Variants in SCAF8 observed in about 807,000 individuals in gnomAD.
The protein encoded by SCAF8 is SR-related and CTD-associated factor 8.
In SCAF8, 23 loss-of-function variants were observed where a neutral mutation model predicts 140.5. The observed-to-expected ratio is 0.16, with a 90% CI of 0.12 to 0.23. SCAF8 has a LOEUF of 0.23. Among genes scored for constraint, SCAF8 ranks in the 10% least tolerant of loss-of-function variants. SCAF8 has a pLI of 1.00. For synonymous variants in SCAF8, 575 were observed against 528.9 expected (o/e 1.09, Z -1.20); for missense variants, 1,397 against 1,555.7 (o/e 0.90, Z 1.72).
At chr6:154,770,960 G>T (rs367626926) in intron 1 of SCAF8, among the ~76,000 whole-genome samples, 2 of 152,102 alleles carry the variant, frequency 1.3e-5, no homozygotes, top group Non-Finnish European at 2.9e-5. Flanking sequence ...GGTCAGGCTG[G>T]TCTCACACTC....
At chr6:154,820,396 T>G in intron 15 of SCAF8, 63 bp downstream of exon 15, 2 of 1,399,030 alleles carry the variant, frequency 1.4e-6, no homozygotes, top group South Asian at 2.6e-5. Flanking sequence ...GTAGCTGAAG[T>G]GAATTTGGGA....
intron 18 of SCAF8, among the ~76,000 whole-genome samples, chr6:154,830,322 A>C (rs1778694216): frequency 6.6e-6 from 1 of 152,216 alleles, no homozygotes; most frequent in Non-Finnish European, 1.5e-5. Flanking sequence ...TATTGGGCTA[A>C]AAATTTTAAT....
In SCAF8 at chr6:154,827,844, G is replaced by GA. The variant is rs1033304488; in HGVS notation, c.2140+604_2140+605insA. Among the ~76,000 whole-genome samples, 148 of 148,862 alleles carry GA rather than the reference G, an allele frequency of 9.9e-4. 1 individual carries two copies. The highest frequency in any genetic ancestry group is 8.5e-4 in the Non-Finnish European group (57 of 66,916). On this transcript the variant is annotated intron_variant, in intron 18 of 19. Coordinates refer to ENST00000367178, the MANE Select transcript of SCAF8 (RefSeq NM_014892.5). ...TTTTTTGGGGCGGGGCGGGGGGGGG[G>GA]GCGGTGTAAAACTTTATTTTTTAGA...
At chr6:154,764,707 C>T (rs1776513444) in intron 1 of SCAF8, among the ~76,000 whole-genome samples, 2 of 152,214 alleles carry the variant, frequency 1.3e-5, no homozygotes, top group Admixed American at 6.6e-5. Context: ...CCCAAGCCTT[C>T]GCAGCATGTA....
chr6:154,821,188 T>C (rs2114675210), intron 15 of SCAF8, among the ~76,000 whole-genome samples: 1 of 152,306 alleles, frequency 6.6e-6, no homozygotes, highest in East Asian at 1.9e-4. Flanking sequence ...AAATTCTTCC[T>C]CTTGTAGAGT....
intron 3 of SCAF8, among the ~76,000 whole-genome samples, chr6:154,787,520 C>G (rs1430754763): frequency 6.6e-6 from 1 of 152,202 alleles, no homozygotes; most frequent in Non-Finnish European, 1.5e-5. Flanking sequence ...TTTGCTAGAG[C>G]CCTTCTTTCC....
chr6:154,825,612 C>T (rs897213100), intron 17 of SCAF8, among the ~76,000 whole-genome samples: 1 of 140,546 alleles, frequency 7.1e-6, no homozygotes, highest in Non-Finnish European at 1.5e-5. Context: ...ACTGTGTTCG[C>T]ACCACTACAC....
rs1583077747 is a variant in SCAF8 at position 154,832,853 on chromosome 6, C to G, written c.3274C>G (p.Pro1092Ala). 1 of 1,613,930 alleles carries G rather than the reference C, an allele frequency of 6.2e-7. No individual in the cohort carries two copies. The highest frequency in any genetic ancestry group is 1.1e-5 in the South Asian group (1 of 91,056). Residue 1092 changes from proline to alanine, a missense_variant, in exon 20 of 20, where the codon CCC (proline) becomes GCC (alanine). Coordinates refer to ENST00000367178, the MANE Select transcript of SCAF8 (RefSeq NM_014892.5). ...CCACTTTGGCTTTAATCCAGAGAAGCCCTGGGGGCATAGAGGAGATTTTGA... is the reference window on the plus strand; with the variant it reads ...CCACTTTGGCTTTAATCCAGAGAAGGCCTGGGGGCATAGAGGAGATTTTGA... ...RDHFGFNPEKPWGHRGDFDER... is the reference protein window; with the variant it reads ...RDHFGFNPEKAWGHRGDFDER...
intron 1 of SCAF8, among the ~76,000 whole-genome samples, chr6:154,765,050 A>G (rs1277506620): frequency 6.6e-6 from 1 of 152,192 alleles, no homozygotes; most frequent in Admixed American, 6.5e-5. Flanking sequence ...TGTAGATGTA[A>G]GTACATTAAA....
intron 4 of SCAF8, among the ~76,000 whole-genome samples, chr6:154,792,137 G>C (rs987560472): frequency 6.6e-6 from 1 of 152,046 alleles, no homozygotes; most frequent in African/African-American, 2.4e-5. Flanking sequence ...GTATGACATT[G>C]ACATTCTGCA....
Position 154,820,289 on chromosome 6 carries a change from G to A in SCAF8, c.1748G>A (p.Gly583Asp). Residue 583 changes from glycine (G) to aspartate (D), a missense_variant, in exon 15 of 20, where the codon GGT becomes GAT. This residue lies in a region of SCAF8 where 930 missense variants were observed against 874.6 expected (regional missense o/e 1.06). Transcript: ENST00000367178. ...WEKVKVDDLE[G>D]FAEGGMIDQE... ...AAAGTTAAAGTGGATGACTTGGAAG[G>A]TTTTGCAGAAGGAGGCATGATTGAT... The A allele has an allele frequency of 6.2e-7, 1 of 1,612,014 alleles. No individual in the cohort carries two copies. The highest frequency in any genetic ancestry group is 8.5e-7 in the Non-Finnish European group (1 of 1,179,342).
intron 4 of SCAF8, among the ~76,000 whole-genome samples, chr6:154,789,541 CTAATTT>C (rs1014312759): frequency 1.3e-5 from 2 of 149,436 alleles, no homozygotes; most frequent in African/African-American, 4.9e-5. Context: ...AAGAATGCTT[CTAATTT>C]TTTTTTTTTT....
chr6:154,809,586 C>G (rs1778027112), intron 11 of SCAF8, among the ~76,000 whole-genome samples: 1 of 152,148 alleles, frequency 6.6e-6, no homozygotes, highest in African/African-American at 2.4e-5. Flanking sequence ...GAAAGTGTTT[C>G]AGTGTCACCT....
At position 154,734,287 on chromosome 6, in the gene SCAF8, C is replaced by T. The variant is rs150670090; in HGVS notation, c.30+357C>T. ...CTGGCCCGCCCACCTCCTTCCTGGG[C>T]CTTTGAGGATTTAAGTGGACGCTGG... On this transcript the variant is annotated intron_variant, in intron 1 of 19. Coordinates refer to ENST00000367178, the MANE Select transcript of SCAF8 (RefSeq NM_014892.5). Among the ~76,000 whole-genome samples, 860 of 152,318 alleles carry T rather than the reference C, an allele frequency of 5.6e-3. 13 individuals are homozygous for T. Among genetic ancestry groups the T allele is most frequent in the African/African-American group, 0.02 (817 of 41,580 alleles).
chr6:154,739,336 C>T (rs367761878), intron 1 of SCAF8, among the ~76,000 whole-genome samples: 46 of 152,224 alleles, frequency 3.0e-4, no homozygotes, highest in Middle Eastern at 3.4e-3. Context: ...AAAAAACAAA[C>T]GTAGTTCCTT....
At chr6:154,760,342 T>A (rs960318788) in intron 1 of SCAF8, among the ~76,000 whole-genome samples, 9 of 152,202 alleles carry the variant, frequency 5.9e-5, no homozygotes, top group South Asian at 2.1e-4. Context: ...TTCTTTTTTT[T>A]AAAAATTAAA....
intron 1 of SCAF8, among the ~76,000 whole-genome samples, chr6:154,766,659 A>ACC (rs1165228098): frequency 5.7e-4 from 40 of 70,712 alleles, no homozygotes; most frequent in African/African-American, 1.1e-3. Flanking sequence ...CTCCAGCAGC[A>ACC]CCCCCCCCCC....
At chr6:154,764,755 G>A (rs1220696764) in intron 1 of SCAF8, among the ~76,000 whole-genome samples, 1 of 152,202 alleles carries the variant, frequency 6.6e-6, no homozygotes, top group East Asian at 1.9e-4. Context: ...GATGGAATCA[G>A]CAGGCAAAGG....
At chr6:154,814,878 T>A (rs1778201113) in intron 12 of SCAF8, among the ~76,000 whole-genome samples, 1 of 152,218 alleles carries the variant, frequency 6.6e-6, no homozygotes, top group Non-Finnish European at 1.5e-5. Context: ...GGGTTCTGAT[T>A]TGGCCATTTT....
Sources: allele counts gnomAD v4.1 joint callset (sites outside exome capture counted in the v4.1 genomes callset), GRCh38; gene constraint gnomAD v4.1.1; regional missense constraint gnomAD v4.1.1; transcripts MANE v1.5; gene names NCBI Gene and HGNC (gene_info 2026-07-23, HGNC 2026-07-21).